MIR2052HG: variants seen among roughly 807,000 people sequenced by gnomAD.
The protein encoded by MIR2052HG is MIR2052 host gene.
chr8:74,673,156 A>C (rs1809011440), intron 2 of MIR2052HG, among the ~76,000 whole-genome samples: 1 of 152,096 alleles, frequency 6.6e-6, no homozygotes, highest in Admixed American at 6.6e-5. Flanking sequence ...ATTGTTTAAT[A>C]GGGTAGATTC....
intron 4 of MIR2052HG, among the ~76,000 whole-genome samples, chr8:74,751,136 A>G (rs2128756695): frequency 6.6e-6 from 1 of 152,312 alleles, no homozygotes; most frequent in Non-Finnish European, 1.5e-5. Context: ...GGTCATGTGC[A>G]GAGTGGCAAA....
chr8:74,651,060 A>T (rs1006094794), intron 2 of MIR2052HG, among the ~76,000 whole-genome samples: 7 of 152,050 alleles, frequency 4.6e-5, no homozygotes, highest in African/African-American at 1.7e-4. Flanking sequence ...TAGACTTGGA[A>T]ATCATCTGTG....
intron 1 of MIR2052HG, among the ~76,000 whole-genome samples, chr8:74,604,406 C>A (rs973851451): frequency 1.5e-5 from 1 of 65,136 alleles, no homozygotes; most frequent in African/African-American, 5.8e-5. Context: ...TAGGGGCAGG[C>A]GGGAAGGTGA....
At chr8:74,701,000 G>T (rs575996668) in intron 2 of MIR2052HG, among the ~76,000 whole-genome samples, 6 of 152,182 alleles carry the variant, frequency 3.9e-5, no homozygotes. Flanking sequence ...TAAGTGATTT[G>T]TTTCTAAGAT....
rs368728581 is a variant in MIR2052HG, at chr8:74,734,969, A to G, written n.372-17472A>G. On this transcript the variant is annotated intron_variant and non_coding_transcript_variant, in intron 4 of 6. Transcript: ENST00000523442. ...GAGCTACATATGTACAATGCTGAAC[A>G]TATCTGTCAGTGGCCTGGACAGTAA... 9.2e-5 allele frequency among the ~76,000 whole-genome samples: 14 copies of G among 152,362 alleles called. 1 individual carries two copies. The highest frequency in any genetic ancestry group is 2.6e-4 in the Admixed American group (4 of 15,300).
At chr8:74,721,689 C>T (rs748291757) in intron 4 of MIR2052HG, among the ~76,000 whole-genome samples, 9 of 152,134 alleles carry the variant, frequency 5.9e-5, no homozygotes, top group African/African-American at 7.2e-5. Context: ...CTTTGAAGGG[C>T]GAGGCCTAGA....
chr8:74,620,796 C>A (rs1808350805), intron 2 of MIR2052HG, among the ~76,000 whole-genome samples: 1 of 152,222 alleles, frequency 6.6e-6, no homozygotes, highest in African/African-American at 2.4e-5. Flanking sequence ...TCCCCATTGT[C>A]TTGGTGATTA....
At chr8:74,660,464 A>G (rs1405715865) in intron 2 of MIR2052HG, among the ~76,000 whole-genome samples, 3 of 152,214 alleles carry the variant, frequency 2.0e-5, no homozygotes, top group Non-Finnish European at 4.4e-5. Context: ...ACAGGTGGAA[A>G]TTCGGGTGGT....
At chr8:74,751,120 G>C (rs760105508) in intron 4 of MIR2052HG, among the ~76,000 whole-genome samples, 1 of 152,184 alleles carries the variant, frequency 6.6e-6, no homozygotes, top group Non-Finnish European at 1.5e-5. Context: ...ACTTACGGTC[G>C]TTTGCGGTCA....
intron 1 of MIR2052HG, among the ~76,000 whole-genome samples, chr8:74,610,679 C>A (rs186384988): frequency 1.3e-5 from 2 of 152,062 alleles, no homozygotes; most frequent in East Asian, 3.9e-4. Context: ...AATATACTCA[C>A]ACATGTACAG....
intron 2 of MIR2052HG, among the ~76,000 whole-genome samples, chr8:74,619,554 A>T (rs963111732): frequency 2.0e-5 from 3 of 152,202 alleles, no homozygotes; most frequent in Admixed American, 6.5e-5. Context: ...ATCATGGTGG[A>T]AGGCAAAGGA....
intron 1 of MIR2052HG, among the ~76,000 whole-genome samples, chr8:74,601,610 T>C (rs1324826545): frequency 6.6e-6 from 1 of 152,184 alleles, no homozygotes; most frequent in Non-Finnish European, 1.5e-5. Context: ...TTTTGACAAA[T>C]AGTTAATTCC....
At chr8:74,709,375 G>C (rs1328793679) in intron 4 of MIR2052HG, among the ~76,000 whole-genome samples, 3 of 152,044 alleles carry the variant, frequency 2.0e-5, no homozygotes, top group Non-Finnish European at 4.4e-5. Flanking sequence ...ATTATGGAGA[G>C]TATTCAGTGC....
intron 4 of MIR2052HG, among the ~76,000 whole-genome samples, chr8:74,746,043 T>C (rs890437497): frequency 6.6e-6 from 1 of 152,132 alleles, no homozygotes; most frequent in Admixed American, 6.6e-5. Context: ...TCCAAATCCA[T>C]GTGAACACCA....
At chr8:74,655,442 G>C (rs1808795418) in intron 2 of MIR2052HG, among the ~76,000 whole-genome samples, 1 of 152,164 alleles carries the variant, frequency 6.6e-6, no homozygotes, top group Admixed American at 6.5e-5. Flanking sequence ...GTGCAGCCTA[G>C]GGACTTAGTG....
intron 2 of MIR2052HG, among the ~76,000 whole-genome samples, chr8:74,698,181 T>C (rs1809319443): frequency 6.6e-6 from 1 of 152,070 alleles, no homozygotes; most frequent in Non-Finnish European, 1.5e-5. Context: ...TGGAACAGAA[T>C]AGAGAACCAG....
chr8:74,746,264 T>A (rs915381038), intron 4 of MIR2052HG, among the ~76,000 whole-genome samples: 6 of 152,288 alleles, frequency 3.9e-5, no homozygotes, highest in African/African-American at 1.4e-4. Flanking sequence ...GCATCAGAGA[T>A]GTGCATAGTC....
intron 2 of MIR2052HG, among the ~76,000 whole-genome samples, chr8:74,701,730 CAA>C (rs1269792213): frequency 6.6e-6 from 1 of 152,068 alleles, no homozygotes; most frequent in Non-Finnish European, 1.5e-5. Flanking sequence ...ATCAATTAGC[CAA>C]AGTCAGTTTT....
intron 2 of MIR2052HG, among the ~76,000 whole-genome samples, chr8:74,659,926 A>G (rs138145452): frequency 2.0e-5 from 3 of 152,302 alleles, no homozygotes; most frequent in African/African-American, 7.2e-5. Flanking sequence ...GAATGGCACA[A>G]TTTTTGTTTT....
Sources: gnomAD v4.1 joint callset for allele counts (sites outside exome capture counted in the v4.1 genomes callset) on GRCh38, gnomAD v4.1.1 for gene constraint, MANE v1.5 for transcripts, NCBI Gene and HGNC (gene_info 2026-07-23, HGNC 2026-07-21) for gene names.